Variants in KIAA1328 observed in about 807,000 individuals in gnomAD.
KIAA1328 encodes the protein protein hinderin.
Under a neutral mutation model 68.1 loss-of-function variants are expected in KIAA1328, and 52 were observed. The observed-to-expected ratio is 0.76, with a 90% CI of 0.61 to 0.96. The LOEUF is 0.96. Among genes scored for constraint, KIAA1328 ranks in the 40% least tolerant of loss-of-function variants. KIAA1328 has a pLI of 0.00. For synonymous variants in KIAA1328, 232 were observed against 239.4 expected (o/e 0.97, Z 0.28); for missense variants, 641 against 677.6 (o/e 0.95, Z 0.60).
chr18:37,193,362 G>A (rs575550090), intron 9 of KIAA1328, among the ~76,000 whole-genome samples: 9 of 152,216 alleles, frequency 5.9e-5, no homozygotes, highest in African/African-American at 1.9e-4. Context: ...ACAGCATAAT[G>A]TGTGATTATT....
intron 3 of KIAA1328, among the ~76,000 whole-genome samples, chr18:36,840,234 C>A (rs888552925): frequency 6.6e-6 from 1 of 152,120 alleles, no homozygotes; most frequent in African/African-American, 2.4e-5. Context: ...TTCTGTGTTG[C>A]CTGCTATCCA....
chr18:37,095,941 A>G (rs1270700863), intron 7 of KIAA1328, among the ~76,000 whole-genome samples: 1 of 152,214 alleles, frequency 6.6e-6, no homozygotes. Flanking sequence ...AACCGGGAAG[A>G]AATTGAAAGC....
chr18:37,024,623 C>T lies in KIAA1328; in HGVS notation c.577-42267C>T, dbSNP rs141901383. ...ATTCCCATCTATGAGTGAGAACATG[C>T]GGTGTTTGGTTTTCTGTCCTTGCGA... On this transcript the variant is annotated intron_variant, in intron 6 of 9. Coordinates refer to ENST00000280020, the MANE Select transcript of KIAA1328 (RefSeq NM_020776.3). Among the ~76,000 whole-genome samples, 1,270 of 150,410 alleles carry T rather than the reference C, an allele frequency of 8.4e-3. 11 individuals carry two copies. The highest frequency in any genetic ancestry group is 0.028 in the African/African-American group (1,150 of 40,998).
intron 6 of KIAA1328, among the ~76,000 whole-genome samples, chr18:37,037,715 C>G (rs1187361206): frequency 6.6e-6 from 1 of 152,104 alleles, no homozygotes; most frequent in South Asian, 2.1e-4. Context: ...GAAACCCCAT[C>G]TCCAGCCTCC....
chr18:37,170,329 T>C (rs1395642963), intron 8 of KIAA1328, among the ~76,000 whole-genome samples: 2 of 152,204 alleles, frequency 1.3e-5, no homozygotes, highest in South Asian at 2.1e-4. Flanking sequence ...CTGGGTGATA[T>C]TGGACATGCT....
chr18:37,112,395 T>C (rs769684539), intron 7 of KIAA1328, among the ~76,000 whole-genome samples: 9 of 152,290 alleles, frequency 5.9e-5, no homozygotes, highest in Middle Eastern at 6.8e-3. Flanking sequence ...CCGCTGGTGA[T>C]ACCCAGGCAA....
intron 6 of KIAA1328, among the ~76,000 whole-genome samples, chr18:36,977,878 G>A (rs1347631991): frequency 5.9e-5 from 9 of 152,146 alleles, no homozygotes; most frequent in Non-Finnish European, 1.2e-4. Flanking sequence ...CCGCCTTCCA[G>A]GTTCAAGAGA....
At chr18:37,119,402 A>T (rs1301445164) in intron 7 of KIAA1328, among the ~76,000 whole-genome samples, 2 of 152,154 alleles carry the variant, frequency 1.3e-5, no homozygotes, top group African/African-American at 4.8e-5. Context: ...ACAACCCGAA[A>T]TTTATTTTCT....
chr18:36,837,700 A>G (rs1417872623), intron 3 of KIAA1328, among the ~76,000 whole-genome samples: 2 of 152,116 alleles, frequency 1.3e-5, no homozygotes, highest in Non-Finnish European at 2.9e-5. Flanking sequence ...TTTTTTTCTA[A>G]GAATTTTAAA....
chr18:36,977,764 A>G (rs1452392802), intron 6 of KIAA1328, among the ~76,000 whole-genome samples: 1 of 152,014 alleles, frequency 6.6e-6, no homozygotes, highest in African/African-American at 2.4e-5. Context: ...CTCACTGTGA[A>G]GGTTTTTTAT....
intron 1 of KIAA1328, among the ~76,000 whole-genome samples, chr18:36,832,234 A>G (rs1325819816): frequency 6.6e-6 from 1 of 152,202 alleles, no homozygotes; most frequent in Non-Finnish European, 1.5e-5. Flanking sequence ...ATATTGAAGT[A>G]GTTTGTTTAG....
chr18:37,012,237 C>T (rs1172740577), intron 6 of KIAA1328, among the ~76,000 whole-genome samples: 1 of 152,148 alleles, frequency 6.6e-6, no homozygotes, highest in Non-Finnish European at 1.5e-5. Context: ...TTGCCACTTT[C>T]ACAACTGTTT....
intron 4 of KIAA1328, among the ~76,000 whole-genome samples, chr18:36,845,476 T>C (rs926666014): frequency 6.6e-6 from 1 of 151,762 alleles, no homozygotes; most frequent in African/African-American, 2.4e-5. Flanking sequence ...TTGCCATTAT[T>C]GTCCTGCTGA....
At chr18:37,134,133 C>T (rs891417600) in intron 7 of KIAA1328, among the ~76,000 whole-genome samples, 3 of 152,042 alleles carry the variant, frequency 2.0e-5, no homozygotes, top group African/African-American at 7.2e-5. Flanking sequence ...CCTGCCTCAG[C>T]CTCCCGAGTA....
chr18:36,968,385 A>G (rs892733077), intron 6 of KIAA1328, among the ~76,000 whole-genome samples: 4 of 152,198 alleles, frequency 2.6e-5, no homozygotes, highest in South Asian at 2.1e-4. Context: ...TGTCATGTGC[A>G]GTGACACCCG....
Position 37,133,270 on chromosome 18 carries a change from T to A in KIAA1328, c.1233-26930T>A, listed in dbSNP as rs2058564958. ...TCGCTTGAACCCGGGAGGCAGAGGT[T>A]GCAGTGAGTGGAGGTCACGCCATTG... On this transcript the variant is annotated intron_variant, in intron 7 of 9. Coordinates refer to ENST00000280020, the MANE Select transcript of KIAA1328 (RefSeq NM_020776.3). 2.7e-5 allele frequency among the ~76,000 whole-genome samples: 4 copies of A among 150,432 alleles called. No individual in the cohort carries two copies. In the Admixed American group the frequency reaches 2.7e-4, roughly 10 times the overall value.
intron 7 of KIAA1328, among the ~76,000 whole-genome samples, chr18:37,092,631 A>G (rs778187811): frequency 5.3e-5 from 8 of 151,932 alleles, no homozygotes; most frequent in Non-Finnish European, 1.0e-4. Context: ...TCACTCACAA[A>G]TGTCATCCAG....
intron 5 of KIAA1328, among the ~76,000 whole-genome samples, chr18:36,949,972 T>G (rs898068363): frequency 5.9e-5 from 9 of 152,238 alleles, no homozygotes; most frequent in East Asian, 1.9e-4. Context: ...CTTGCACAGA[T>G]CACAGCTTCA....
chr18:36,836,424 T>G (rs983688648), intron 3 of KIAA1328, among the ~76,000 whole-genome samples: 9 of 152,196 alleles, frequency 5.9e-5, no homozygotes, highest in Non-Finnish European at 1.2e-4. Flanking sequence ...TTAGAGATTA[T>G]AGTATACATC....
Sources: allele counts gnomAD v4.1 joint callset (sites outside exome capture counted in the v4.1 genomes callset), GRCh38; gene constraint gnomAD v4.1.1; transcripts MANE v1.5; gene names NCBI Gene and HGNC (gene_info 2026-07-23, HGNC 2026-07-21).